Variants in HIPK3 observed in about 807,000 individuals in gnomAD.
HIPK3 encodes the protein homeodomain-interacting protein kinase 3.
A neutral mutation model predicts 124.2 loss-of-function variants in HIPK3; 47 were observed. The ratio of observed to expected loss-of-function variants is 0.38; its 90% CI spans 0.30 to 0.48. HIPK3 has a LOEUF of 0.48. HIPK3 is among the 20% of genes least tolerant of loss of function. The pLI is 0.98. For missense variants in HIPK3, 1,286 were observed against 1,454.3 expected (o/e 0.88, Z 1.88); for synonymous variants, 482 against 515.2 (o/e 0.94, Z 0.87).
intron 3 of HIPK3, among the ~76,000 whole-genome samples, chr11:33,335,397 C>T (rs941757403): frequency 2.0e-5 from 3 of 152,198 alleles, no homozygotes; most frequent in East Asian, 1.9e-4. Context: ...AGCATGGCGT[C>T]GTGGAAATTG....
At position 33,354,662 on chromosome 11, in the gene HIPK3, T is replaced by A. The variant is rs1853767316; in HGVS notation, c.*1094T>A. The A allele has an allele frequency of 6.6e-6, 1 of 152,352 alleles. No individual in the cohort carries two copies. The highest frequency in any genetic ancestry group is 2.4e-5 in the African/African-American group (1 of 41,506). The allele number at this position is 152,352 out of a possible 1,614,324, so 9.4% of individuals were successfully genotyped here. On this transcript the variant is annotated 3_prime_UTR_variant, in exon 17 of 17. Coordinates refer to ENST00000303296, the MANE Select transcript of HIPK3 (RefSeq NM_005734.5). Reference sequence around the variant, plus strand: ...CTATTGAAGCTTGAAAAGATGTGAGTTCTTTGTGTGCAATTTTTGATTTAT... The same window carrying A: ...CTATTGAAGCTTGAAAAGATGTGAGATCTTTGTGTGCAATTTTTGATTTAT...
chr11:33,299,879 T>G (rs546981333), intron 2 of HIPK3, among the ~76,000 whole-genome samples: 2 of 150,670 alleles, frequency 1.3e-5, no homozygotes, highest in South Asian at 4.2e-4. Context: ...AAAAATTAGC[T>G]GAGCTTGGTG....
At chr11:33,285,578 AAT>A (rs34306070) in intron 1 of HIPK3, among the ~76,000 whole-genome samples, 1,570 of 38,340 alleles carry the variant, frequency 0.041, 20 homozygotes, top group African/African-American at 0.11. Context: ...AAAAAAAAAA[AAT>A]ATATATATAT....
chr11:33,324,268 T>C (rs1226126574), intron 2 of HIPK3, among the ~76,000 whole-genome samples: 2 of 152,220 alleles, frequency 1.3e-5, no homozygotes, highest in Non-Finnish European at 2.9e-5. Context: ...TGTTGTAAAC[T>C]GGCTGGTAGA....
At chr11:33,292,146 T>G (rs1851715796) in intron 2 of HIPK3, among the ~76,000 whole-genome samples, 2 of 152,202 alleles carry the variant, frequency 1.3e-5, no homozygotes, top group South Asian at 4.1e-4. Flanking sequence ...CGTTATATTT[T>G]CTAGTTTGTT....
upstream of HIPK3, chr11:33,257,216 G>C: frequency 9.1e-6 from 9 of 984,086 alleles, no homozygotes; most frequent in Non-Finnish European, 1.1e-5. Context: ...CGCGGCTGCG[G>C]ACTGGCGGGC....
At chr11:33,345,986 C>T (rs1853481204) in intron 8 of HIPK3, among the ~76,000 whole-genome samples, 1 of 152,018 alleles carries the variant, frequency 6.6e-6, no homozygotes, top group Non-Finnish European at 1.5e-5. Flanking sequence ...CACATTTATC[C>T]CCAAATTGAT....
chr11:33,320,607 C>T (rs1440356827), intron 2 of HIPK3, among the ~76,000 whole-genome samples: 1 of 152,088 alleles, frequency 6.6e-6, no homozygotes, highest in African/African-American at 2.4e-5. Context: ...AGGATGGTAG[C>T]AGTAAAGGTA....
At chr11:33,277,206 AT>A (rs1851296411) in intron 1 of HIPK3, among the ~76,000 whole-genome samples, 1 of 152,220 alleles carries the variant, frequency 6.6e-6, no homozygotes, top group Non-Finnish European at 1.5e-5. Flanking sequence ...CTTCCTTGAC[AT>A]GTCTGTCATT....
At chr11:33,292,683 A>G (rs1851729836) in intron 2 of HIPK3, among the ~76,000 whole-genome samples, 1 of 152,208 alleles carries the variant, frequency 6.6e-6, no homozygotes, top group Non-Finnish European at 1.5e-5. Context: ...AGACAAATAC[A>G]AGATTGTCAA....
At chr11:33,287,632 G>A in intron 2 of HIPK3, 121 bp downstream of exon 2, 2 of 1,110,022 alleles carry the variant, frequency 1.8e-6, no homozygotes, top group African/African-American at 1.6e-5. Context: ...AATCAAGAGA[G>A]GATCAATTTA....
intron 3 of HIPK3, among the ~76,000 whole-genome samples, chr11:33,330,870 G>A (rs558996323): frequency 6.8e-6 from 1 of 146,730 alleles, no homozygotes; most frequent in Non-Finnish European, 1.5e-5. Context: ...GTTCACATAT[G>A]TTTTTCTTTT....
chr11:33,339,918 A>G (rs1186548471), intron 6 of HIPK3, among the ~76,000 whole-genome samples: 1 of 150,950 alleles, frequency 6.6e-6, no homozygotes, highest in Non-Finnish European at 1.5e-5. Flanking sequence ...TCCATTTTAC[A>G]TTTTTTTTTC....
At chr11:33,347,778 G>T in intron 10 of HIPK3, 25 bp downstream of exon 10, 5 of 1,612,970 alleles carry the variant, frequency 3.1e-6, no homozygotes, top group Non-Finnish European at 4.2e-6. Flanking sequence ...AAAGTACTTT[G>T]TGAATAGTTT....
At chr11:33,302,706 A>G (rs1409586995) in intron 2 of HIPK3, among the ~76,000 whole-genome samples, 3 of 152,204 alleles carry the variant, frequency 2.0e-5, no homozygotes, top group African/African-American at 4.8e-5. Flanking sequence ...TATGAAGAAG[A>G]TAAGAATAAT....
chr11:33,285,632 G>A (rs1047966996), intron 1 of HIPK3, among the ~76,000 whole-genome samples: 3 of 151,128 alleles, frequency 2.0e-5, no homozygotes, highest in African/African-American at 4.9e-5. Flanking sequence ...TCCTCCTGAG[G>A]CAATTCTTGG....
At chr11:33,293,381 C>T (rs1212588419) in intron 2 of HIPK3, among the ~76,000 whole-genome samples, 1 of 151,996 alleles carries the variant, frequency 6.6e-6, no homozygotes, top group African/African-American at 2.4e-5. Flanking sequence ...ATTTACATTA[C>T]CCTCAAAAGA....
At chr11:33,263,342 G>T (rs1028060496) in intron 1 of HIPK3, among the ~76,000 whole-genome samples, 2 of 151,938 alleles carry the variant, frequency 1.3e-5, no homozygotes, top group African/African-American at 4.8e-5. Flanking sequence ...TTTGAGACAG[G>T]GCCTCGCTCT....
intron 8 of HIPK3, among the ~76,000 whole-genome samples, chr11:33,344,456 G>A (rs970018751): frequency 2.0e-5 from 3 of 152,014 alleles, no homozygotes; most frequent in Non-Finnish European, 2.9e-5. Context: ...AAGAGACTTC[G>A]GAGACACATT....
Sources: gnomAD v4.1 joint callset for allele counts (sites outside exome capture counted in the v4.1 genomes callset) on GRCh38, gnomAD v4.1.1 for gene constraint, MANE v1.5 for transcripts, NCBI Gene and HGNC (gene_info 2026-07-23, HGNC 2026-07-21) for gene names.